MTHFD2L: variants seen among roughly 807,000 people sequenced by gnomAD.
MTHFD2L encodes bifunctional methylenetetrahydrofolate dehydrogenase/cyclohydrolase 2, mitochondrial.
A neutral mutation model predicts 34.9 loss-of-function variants in MTHFD2L; 29 were observed. That is an observed-to-expected ratio of 0.83 (90% CI 0.62 to 1.13). The LOEUF (loss-of-function observed/expected upper bound fraction) is 1.13, where lower values mean the gene tolerates loss of function less well. MTHFD2L is among the 50% of genes most tolerant of loss of function. The probability of loss-of-function intolerance (pLI) is 0.00; values close to 1 mark genes in which losing one functional copy is unlikely to be tolerated. For missense variants in MTHFD2L, 481 were observed against 446.5 expected, an observed-to-expected ratio of 1.08 and a Z score of -0.70; for synonymous variants, 167 against 155.7, an observed-to-expected ratio of 1.07 and a Z score of -0.54.
At chr4:74,228,395 T>G (rs1370838564) in intron 6 of MTHFD2L, among the ~76,000 whole-genome samples, 4 of 152,232 alleles carry the variant, frequency 2.6e-5, no homozygotes, top group African/African-American at 9.6e-5. Flanking sequence ...TACATTATCC[T>G]TAAAAGGTAT....
rs1164279766 is a variant in MTHFD2L, at chr4:74,263,594, A to G, written c.806-17831A>G. ...ATTATATTTTACTCTTTTTGTGGTA[A>G]TTGTGAATGGGAGTTCATTCCTGAT... On this transcript the variant is annotated intron_variant, in intron 6 of 7. Coordinates refer to ENST00000325278, the MANE Select transcript of MTHFD2L (RefSeq NM_001144978.3). 3.9e-5 allele frequency among the ~76,000 whole-genome samples: 6 copies of G among 151,912 alleles called. No homozygotes were observed. In the East Asian group the frequency reaches 1.2e-3, roughly 29 times the overall value.
chr4:74,231,637 G>A (rs1740080763), intron 6 of MTHFD2L, among the ~76,000 whole-genome samples: 1 of 152,094 alleles, frequency 6.6e-6, no homozygotes, highest in Non-Finnish European at 1.5e-5. Flanking sequence ...AAATGCACAG[G>A]CCTTTCTAAA....
intron 1 of MTHFD2L, among the ~76,000 whole-genome samples, chr4:74,138,447 A>C (rs1434636173): frequency 6.6e-6 from 1 of 152,172 alleles, no homozygotes. Context: ...ACCTTGGGCC[A>C]TGCGGTGAGT....
At chr4:74,148,872 C>T (rs78918649) in intron 1 of MTHFD2L, among the ~76,000 whole-genome samples, 1 of 151,822 alleles carries the variant, frequency 6.6e-6, no homozygotes, top group African/African-American at 2.4e-5. Context: ...ATTGCCTTTC[C>T]CTTACTTAGT....
intron 7 of MTHFD2L, 60 bp from the exon 8 acceptor site, chr4:74,301,637 A>G (rs1750340365): frequency 1.9e-6 from 2 of 1,053,782 alleles, no homozygotes; most frequent in Non-Finnish European, 1.4e-6. Flanking sequence ...ATGTTTAAAA[A>G]TATTAAAATC....
intron 3 of MTHFD2L, chr4:74,190,558 A>T (rs1732296613): frequency 2.0e-6 from 2 of 982,804 alleles, no homozygotes; most frequent in African/African-American, 3.5e-5. Context: ...TGTTCTCAGA[A>T]TTTGGGGTGG....
chr4:74,238,313 G>A (rs897257410), intron 6 of MTHFD2L, among the ~76,000 whole-genome samples: 1 of 152,090 alleles, frequency 6.6e-6, no homozygotes. Flanking sequence ...GCGTTCTAAG[G>A]CAACTTTCTA....
At chr4:74,143,575 A>G (rs938553390) in intron 1 of MTHFD2L, 2 of 312,570 alleles carry the variant, frequency 6.4e-6, no homozygotes, top group Non-Finnish European at 9.3e-6. Context: ...CTATTTTCCT[A>G]CTTTCCTTTT....
At chr4:74,135,495 T>C (rs188662250) in intron 1 of MTHFD2L, among the ~76,000 whole-genome samples, 37 of 152,082 alleles carry the variant, frequency 2.4e-4, no homozygotes, top group African/African-American at 8.9e-4. Context: ...AGTTATGAAA[T>C]CAAAGCCATA....
rs546627351 is a variant in MTHFD2L, at chr4:74,202,289, G to T, written c.712+919G>T. ...TCAAAGGTTAGTCTTAGGACCACAC[G>T]AGTAAACAAGCTAGTTAGGTAAACT... On this transcript the variant is annotated intron_variant, in intron 5 of 7. Coordinates refer to ENST00000325278, the MANE Select transcript of MTHFD2L (RefSeq NM_001144978.3). Among the ~76,000 whole-genome samples, 6 of 152,292 alleles carry T rather than the reference G, an allele frequency of 3.9e-5. No homozygotes were observed. In the East Asian group the frequency reaches 1.2e-3, roughly 29 times the overall value.
chr4:74,293,932 G>A (rs1749315697), intron 7 of MTHFD2L, among the ~76,000 whole-genome samples: 1 of 152,156 alleles, frequency 6.6e-6, no homozygotes, highest in Non-Finnish European at 1.5e-5. Flanking sequence ...TATACCAGGA[G>A]GATGAAATTC....
At chr4:74,125,110 TTAAAG>T (rs1282501017), upstream of MTHFD2L, among the ~76,000 whole-genome samples, 1 of 152,070 alleles carries the variant, frequency 6.6e-6, no homozygotes, top group Non-Finnish European at 1.5e-5. Context: ...TTTTGCAGAG[TTAAAG>T]TAATTAGAGA....
chr4:74,168,871 A>G (rs1727313062), intron 1 of MTHFD2L, among the ~76,000 whole-genome samples: 1 of 152,208 alleles, frequency 6.6e-6, no homozygotes, highest in Non-Finnish European at 1.5e-5. Flanking sequence ...TTAGCTTTTC[A>G]AGAATTTTCA....
intron 5 of MTHFD2L, among the ~76,000 whole-genome samples, chr4:74,215,746 G>A (rs575317458): frequency 2.0e-5 from 3 of 151,856 alleles, no homozygotes; most frequent in South Asian, 4.1e-4. Flanking sequence ...AATGAGAATA[G>A]TGAAGAAAAA....
At chr4:74,266,958 G>T (rs1369245990) in intron 6 of MTHFD2L, 3 of 985,286 alleles carry the variant, frequency 3.0e-6, no homozygotes, top group African/African-American at 3.5e-5. Flanking sequence ...TTAAAAGAAA[G>T]AAATTGGACT....
chr4:74,190,443 T>TG (rs1732270873), intron 3 of MTHFD2L: 1 of 984,470 alleles, frequency 1.0e-6, no homozygotes, highest in East Asian at 1.1e-4. Flanking sequence ...GAGGACATCC[T>TG]GGGGCAGTTT....
intron 6 of MTHFD2L, among the ~76,000 whole-genome samples, chr4:74,271,437 C>T (rs1380800895): frequency 6.6e-6 from 1 of 152,174 alleles, no homozygotes; most frequent in Non-Finnish European, 1.5e-5. Flanking sequence ...AATCCTTTCC[C>T]CATTTCTTGT....
At chr4:74,243,524 G>GA (rs1741997825) in intron 6 of MTHFD2L, among the ~76,000 whole-genome samples, 2 of 151,444 alleles carry the variant, frequency 1.3e-5, no homozygotes, top group African/African-American at 4.9e-5. Flanking sequence ...GGTTTATTTT[G>GA]ATATTTTGTT....
At chr4:74,118,977 G>A (rs745671540), upstream of MTHFD2L, among the ~76,000 whole-genome samples, 1 of 152,200 alleles carries the variant, frequency 6.6e-6, no homozygotes, top group Non-Finnish European at 1.5e-5. Flanking sequence ...GGTGATGCTA[G>A]CTCTGAGGAG....
Sources: gnomAD v4.1 joint callset for allele counts (sites outside exome capture counted in the v4.1 genomes callset) on GRCh38, gnomAD v4.1.1 for gene constraint, MANE v1.5 for transcripts, NCBI Gene and HGNC (gene_info 2026-07-23, HGNC 2026-07-21) for gene names.